ZNF234: variants seen among roughly 807,000 people sequenced by gnomAD.
The protein encoded by ZNF234 is C2-H2 type zinc finger protein.
A neutral mutation model predicts 10.3 loss-of-function variants in ZNF234; 4 were observed. That is an observed-to-expected ratio of 0.39 (90% CI 0.19 to 0.89). ZNF234 has a LOEUF of 0.89. Ranked by LOEUF, ZNF234 falls within the 40% of genes least tolerant of loss-of-function variation. ZNF234 has a pLI of 0.38. For synonymous variants in ZNF234, 258 were observed against 280.1 expected, an observed-to-expected ratio of 0.92 and a Z score of 0.79; for missense variants, 711 against 836.1, an observed-to-expected ratio of 0.85 and a Z score of 1.85.
Position 44,159,904 on chromosome 19 carries a change from C to T in ZNF234, c.*1785C>T, listed in dbSNP as rs1196927851. 4 of 162,802 alleles carry T rather than the reference C, an allele frequency of 2.5e-5. No individual in the cohort carries two copies. The highest frequency in any genetic ancestry group is 6.3e-5 in the Admixed American group (1 of 15,982). 10.1% of individuals were successfully genotyped at this position (162,802 alleles called of 1,614,324 possible). ...AAAATTAGCTGGGCATGGTGGCAGGCGCCTGTAATCCCAGCTACTCAGGAG... is the reference window on the plus strand; with the variant it reads ...AAAATTAGCTGGGCATGGTGGCAGGTGCCTGTAATCCCAGCTACTCAGGAG... On this transcript the variant is annotated 3_prime_UTR_variant, in exon 6 of 6. Coordinates refer to ENST00000426739, the MANE Select transcript of ZNF234 (RefSeq NM_006630.3).
In ZNF234 at chr19:44,157,552, T is replaced by C; in HGVS notation, c.1536T>C (p.Tyr512=). The C allele has an allele frequency of 6.2e-7, 1 of 1,613,752 alleles. No individual in the cohort carries two copies. Among genetic ancestry groups the C allele is most frequent in the Non-Finnish European group, 8.5e-7 (1 of 1,179,956 alleles). ...GGATCCACACAGGGGAGAAACCATATAATTGTGAGGAGTGTGGGAAGGTCT... is the reference window on the plus strand; with the variant it reads ...GGATCCACACAGGGGAGAAACCATACAATTGTGAGGAGTGTGGGAAGGTCT... ...HCRIHTGEKP[Y]NCEECGKVFS... is the part of the protein sequence containing the mutation. The change falls in exon 6 of 6, where the codon TAT becomes TAC. Residue 512 remains tyrosine, a synonymous_variant. Transcript: ENST00000426739.
At chr19:44,153,739 T>TC (rs1292146103) in intron 5 of ZNF234, among the ~76,000 whole-genome samples, 2 of 152,202 alleles carry the variant, frequency 1.3e-5, no homozygotes, top group East Asian at 3.8e-4. Flanking sequence ...AATTACAATT[T>TC]TCTGTTCTTT....
In ZNF234 at chr19:44,155,905, T is replaced by G. The variant is rs149117140; in HGVS notation, c.236-347T>G. Among the ~76,000 whole-genome samples the G allele has an allele frequency of 1.8e-3, 271 of 152,296 alleles. 1 individual carries two copies. Among genetic ancestry groups the G allele is most frequent in the African/African-American group, 6.4e-3 (266 of 41,562 alleles). ...GCATGACCATGCCTGGCCTATGCTT[T>G]TTATATTTAGATAATTTACTATTTA... On this transcript the variant is annotated intron_variant, in intron 5 of 5. Transcript: ENST00000426739.
Position 44,156,503 on chromosome 19 carries a change from T to C in ZNF234, c.487T>C (p.Phe163Leu), listed in dbSNP as rs1049194252. ...YKKSFTDVFN[F>L]DLHQQLHSGE... Reference sequence around the variant, plus strand: ...AAAATCCTTCACTGATGTCTTCAACTTTGATCTTCATCAACAGTTACACTC... The same window carrying C: ...AAAATCCTTCACTGATGTCTTCAACCTTGATCTTCATCAACAGTTACACTC... Residue 163 changes from phenylalanine (F) to leucine (L), a missense_variant, in exon 6 of 6, where the codon TTT becomes CTT. By Grantham distance (22) the Phe-to-Leu change is conservative. Coordinates refer to ENST00000426739, the MANE Select transcript of ZNF234 (RefSeq NM_006630.3). 3 of 1,614,122 alleles carry C rather than the reference T, an allele frequency of 1.9e-6. No individual in the cohort carries two copies. The highest frequency in any genetic ancestry group is 2.7e-5 in the African/African-American group (2 of 74,950).
intron 4 of ZNF234, among the ~76,000 whole-genome samples, chr19:44,149,323 C>T (rs1023188102): frequency 2.4e-4 from 36 of 152,012 alleles, no homozygotes; most frequent in Admixed American, 1.7e-3. Flanking sequence ...TGGTGCATGC[C>T]TCTTATCCCA....
Position 44,156,721 on chromosome 19 carries a change from G to A in ZNF234, c.705G>A (p.Val235=), listed in dbSNP as rs1968893348. 1 of 1,613,678 alleles carries A rather than the reference G, an allele frequency of 6.2e-7. No individual in the cohort carries two copies. Among genetic ancestry groups the A allele is most frequent in the African/African-American group, 1.3e-5 (1 of 74,798 alleles). Residue 235 remains valine (V), a synonymous_variant, in exon 6 of 6, where the codon GTG becomes GTA. Coordinates refer to ENST00000426739, the MANE Select transcript of ZNF234 (RefSeq NM_006630.3). The stretch of plus-strand genomic sequence containing the variant: ...CTGTAGAGAAACCATTCAAATGTGT[G>A]GAATGTGGGAAAGGCTTCAGTCGTA... ...VHTVEKPFKC[V]ECGKGFSRRS...
intron 5 of ZNF234, among the ~76,000 whole-genome samples, chr19:44,155,193 T>G (rs1968847082): frequency 6.6e-6 from 1 of 152,206 alleles, no homozygotes; most frequent in Admixed American, 6.5e-5. Flanking sequence ...AGTTGTCAGC[T>G]CATTTAATGT....
chr19:44,157,453 C>G lies in ZNF234; in HGVS notation c.1437C>G (p.Thr479=), dbSNP rs182811010. 3.3e-5 allele frequency: 53 copies of G among 1,613,616 alleles called. No individual in the cohort carries two copies. Among genetic ancestry groups the G allele is most frequent in the Middle Eastern group, 1.7e-4 (1 of 6,054 alleles). ...SRLQIHQLIH[T]GEKPYKCEEC... ...TTCAGATTCACCAGCTGATCCATAC[C>G]GGTGAGAAACCATACAAATGTGAAG... Residue 479 remains threonine, a synonymous_variant, in exon 6 of 6, where the codon ACC becomes ACG. Transcript: ENST00000426739.
chr19:44,144,049 C>T (rs967919716), intron 2 of ZNF234, among the ~76,000 whole-genome samples: 1 of 152,144 alleles, frequency 6.6e-6, no homozygotes, highest in African/African-American at 2.4e-5. Context: ...TCACCCATTT[C>T]AAGTGTACAA....
In ZNF234 at chr19:44,144,646, A is replaced by C; in HGVS notation, c.14A>C (p.Lys5Thr). Residue 5 changes from lysine (K) to threonine (T), a missense_variant and splice_region_variant, in exon 3 of 6, where the codon AAG (lysine) becomes ACG (threonine). Lys to Thr is a moderately conservative substitution (Grantham distance 78). Coordinates refer to ENST00000426739, the MANE Select transcript of ZNF234 (RefSeq NM_006630.3). MTTF[K>T]EGLTFKDVAV... ...ACAGGAGGAAAAATGACCACATTCA[A>C]GGTGAATAAGGCTTGCCACTCTTGC... 6.4e-7 allele frequency: 1 copy of C among 1,560,716 alleles called. No individual in the cohort carries two copies. Among genetic ancestry groups the C allele is most frequent in the South Asian group, 1.2e-5 (1 of 81,066 alleles).
intron 5 of ZNF234, 137 bp downstream of exon 5, chr19:44,150,642 A>G: frequency 1.6e-6 from 1 of 620,400 alleles, no homozygotes; most frequent in Middle Eastern, 2.6e-4. Flanking sequence ...TACTGGGCGC[A>G]CTGCATCCAC....
In ZNF234 at chr19:44,157,491, G is replaced by T. The variant is rs776922774; in HGVS notation, c.1475G>T (p.Gly492Val). ...KPYKCEECGK[G>V]FSRRADLKIH... ...TACAAATGTGAAGAGTGCGGAAAGGGATTTAGTCGTAGAGCAGATCTTAAA... is the reference window on the plus strand; with the variant it reads ...TACAAATGTGAAGAGTGCGGAAAGGTATTTAGTCGTAGAGCAGATCTTAAA... Residue 492 changes from glycine (G) to valine (V), a missense_variant, in exon 6 of 6, where the codon GGA (glycine) becomes GTA (valine). Coordinates refer to ENST00000426739, the MANE Select transcript of ZNF234 (RefSeq NM_006630.3). 1.2e-6 allele frequency: 2 copies of T among 1,614,074 alleles called. No individual in the cohort carries two copies. The highest frequency in any genetic ancestry group is 3.3e-5 in the Admixed American group (2 of 60,026).
At chr19:44,147,188 T>A (rs957553719) in intron 3 of ZNF234, among the ~76,000 whole-genome samples, 2 of 152,106 alleles carry the variant, frequency 1.3e-5, no homozygotes, top group Non-Finnish European at 2.9e-5. Context: ...TGGTCATAAT[T>A]TTTAATGTGC....
At chr19:44,148,690 A>G (rs376102408) in intron 3 of ZNF234, 81 bp from the exon 4 acceptor site, 4 of 1,592,404 alleles carry the variant, frequency 2.5e-6, no homozygotes, top group Non-Finnish European at 3.4e-6. Context: ...AGCTCCCCCT[A>G]CATACTCTCC....
chr19:44,150,326 C>T, intron 4 of ZNF234, 87 bp from the exon 5 acceptor site: 1 of 861,162 alleles, frequency 1.2e-6, no homozygotes, highest in Middle Eastern at 2.9e-4. Context: ...ATTGATTGAT[C>T]AGTATACAGT....
Position 44,157,142 on chromosome 19 carries a change from G to T in ZNF234, c.1126G>T (p.Val376Leu). Residue 376 changes from valine to leucine, a missense_variant, in exon 6 of 6, where the codon GTG (valine) becomes TTG (leucine). By Grantham distance (32) the Val-to-Leu change is conservative. Transcript: ENST00000426739. ...TGGAGAGAAACCATACGTATGTAAAGTGTGTGGTAAGGGTTTCATTTACAG... is the reference window on the plus strand; with the variant it reads ...TGGAGAGAAACCATACGTATGTAAATTGTGTGGTAAGGGTTTCATTTACAG... Reference protein sequence around the residue: ...HTGEKPYVCKVCGKGFIYSSS... With the variant: ...HTGEKPYVCKLCGKGFIYSSS... 1 of 1,614,208 alleles carries T rather than the reference G, an allele frequency of 6.2e-7. No individual in the cohort carries two copies.
rs1349262180 is a variant in ZNF234, at chr19:44,156,881, A to C, written c.865A>C (p.Lys289Gln). The C allele has an allele frequency of 6.2e-7, 1 of 1,613,792 alleles. No homozygotes were observed. The highest frequency in any genetic ancestry group is 2.2e-5 in the East Asian group (1 of 44,886). ...AATTCATACTGGGGAGAAACCATTC[A>C]AATGTGATACATGTGGTAAGAACTT... ...QRIHTGEKPFKCDTCGKNFRR... is the reference protein window; with the variant it reads ...QRIHTGEKPFQCDTCGKNFRR... Residue 289 changes from lysine (K) to glutamine (Q), a missense_variant, in exon 6 of 6, where the codon AAA (lysine) becomes CAA (glutamine). Transcript: ENST00000426739.
At chr19:44,149,515 TTGAGA>T (rs1311491767) in intron 4 of ZNF234, among the ~76,000 whole-genome samples, 1 of 152,214 alleles carries the variant, frequency 6.6e-6, no homozygotes, top group Non-Finnish European at 1.5e-5. Flanking sequence ...TTTCTGTTGT[TTGAGA>T]TAACACCTGG....
At position 44,156,525 on chromosome 19, in the gene ZNF234, A is replaced by C; in HGVS notation, c.509A>C (p.His170Pro). ...VFNFDLHQQL[H>P]SGEKSHTCDE... ...AACTTTGATCTTCATCAACAGTTAC[A>C]CTCAGGAGAGAAGTCTCATACATGT... Residue 170 changes from histidine to proline, a missense_variant, in exon 6 of 6, where the codon CAC (histidine) becomes CCC (proline). Physicochemically the swap from His to Pro is moderately conservative, Grantham distance 77. Transcript: ENST00000426739. 1 of 1,614,240 alleles carries C rather than the reference A, an allele frequency of 6.2e-7. No individual in the cohort carries two copies. Among genetic ancestry groups the C allele is most frequent in the East Asian group, 2.2e-5 (1 of 44,890 alleles).
Sources: gnomAD v4.1 joint callset for allele counts (sites outside exome capture counted in the v4.1 genomes callset) on GRCh38, gnomAD v4.1.1 for gene constraint, MANE v1.5 for transcripts, NCBI Gene and HGNC (gene_info 2026-07-23, HGNC 2026-07-21) for gene names.